Variants in SPECC1L observed in about 807,000 individuals in gnomAD.
SPECC1L encodes the protein sperm antigen with calponin homology and coiled-coil domains 1 like.
In SPECC1L, 40 loss-of-function variants were observed where a neutral mutation model predicts 116.8. The observed-to-expected ratio is 0.34, with a 90% CI of 0.27 to 0.45. The LOEUF is 0.45. Ranked by LOEUF, SPECC1L falls within the 20% of genes least tolerant of loss-of-function variation. SPECC1L has a pLI of 1.00. For missense variants in SPECC1L, 1,110 were observed against 1,373.6 expected (o/e 0.81, Z 3.03); for synonymous variants, 504 against 500.6 (o/e 1.01, Z -0.09).
At chr22:24,319,991 C>T (rs1443872429) in intron 4 of SPECC1L, among the ~76,000 whole-genome samples, 2 of 152,208 alleles carry the variant, frequency 1.3e-5, no homozygotes, top group Non-Finnish European at 2.9e-5. Flanking sequence ...GTGGCTCACG[C>T]CTGTAAATTC....
At chr22:24,390,872 CTTTTTTTTTTTTTTTT>C (rs1016008966) in intron 14 of SPECC1L, among the ~76,000 whole-genome samples, 3 of 57,112 alleles carry the variant, frequency 5.3e-5, no homozygotes, top group African/African-American at 2.3e-4. Flanking sequence ...TTTTTCTTTT[CTTTTTTTTTTTTTTTT>C]TTTTTTTTTT....
At chr22:24,360,655 G>A (rs2016600843) in intron 11 of SPECC1L, among the ~76,000 whole-genome samples, 1 of 152,126 alleles carries the variant, frequency 6.6e-6, no homozygotes, top group African/African-American at 2.4e-5. Context: ...GCTTATGCCT[G>A]TGTCCATAGC....
chr22:24,380,552 A>G lies in SPECC1L; in HGVS notation c.3087+11232A>G, dbSNP rs528990583. On this transcript the variant is annotated intron_variant, in intron 14 of 16. Coordinates refer to ENST00000314328, the MANE Select transcript of SPECC1L (RefSeq NM_015330.6). ...CGTTAACTCTCTTAAGAGTCACCCT[A>G]AAATTACTGTGCTGATCACTGTAAT... Among the ~76,000 whole-genome samples, 9 of 152,320 alleles carry G rather than the reference A, an allele frequency of 5.9e-5. No homozygotes were observed. The South Asian group carries it at 1.9e-3, about 32-fold the overall frequency.
chr22:24,362,251 C>G (rs1211335201), intron 11 of SPECC1L, among the ~76,000 whole-genome samples: 3 of 152,120 alleles, frequency 2.0e-5, no homozygotes, highest in Admixed American at 6.5e-5. Context: ...TTGGTGGGGG[C>G]TGGCAGGGAA....
In SPECC1L at chr22:24,271,156, C is replaced by T. The variant is rs1459806429; in HGVS notation, c.-142+173C>T. Among the ~76,000 whole-genome samples, 5 of 152,260 alleles carry T rather than the reference C, an allele frequency of 3.3e-5. No homozygotes were observed. In the East Asian group the frequency reaches 9.6e-4, roughly 29 times the overall value. On this transcript the variant is annotated intron_variant, in intron 1 of 16. Transcript: ENST00000314328. The stretch of plus-strand genomic sequence containing the variant: ...GTCCCGCGCCTGCGCCTTTCCCTTC[C>T]CGCGCCGTCCTCGTTCTGGGCTTCG...
intron 14 of SPECC1L, among the ~76,000 whole-genome samples, chr22:24,381,808 C>T (rs940838705): frequency 3.9e-5 from 6 of 152,082 alleles, no homozygotes; most frequent in Admixed American, 1.3e-4. Flanking sequence ...GGCGTGAAAC[C>T]GGGAGGCAGA....
At chr22:24,347,045 C>T (rs763183502) in intron 10 of SPECC1L, 41 bp from the exon 11 acceptor site, 1 of 1,481,376 alleles carries the variant, frequency 6.8e-7, no homozygotes, top group South Asian at 1.1e-5. Context: ...TGAGTCCAAA[C>T]AGTCATTTTA....
At chr22:24,390,852 C>CTTTTTTT (rs60006066) in intron 14 of SPECC1L, among the ~76,000 whole-genome samples, 25 of 48,454 alleles carry the variant, frequency 5.2e-4, no homozygotes, top group Non-Finnish European at 5.7e-4. Context: ...GCCTGTGTTC[C>CTTTTTTT]TTTTTTTTTT....
At chr22:24,274,212 T>A (rs1395650779) in intron 1 of SPECC1L, among the ~76,000 whole-genome samples, 1 of 152,230 alleles carries the variant, frequency 6.6e-6, no homozygotes, top group Non-Finnish European at 1.5e-5. Flanking sequence ...CCTCAGTCTT[T>A]TACTGTGAAA....
chr22:24,391,048 T>C (rs1369214041), intron 14 of SPECC1L, among the ~76,000 whole-genome samples: 1 of 151,870 alleles, frequency 6.6e-6, no homozygotes, highest in Non-Finnish European at 1.5e-5. Flanking sequence ...GCTAATTTTT[T>C]GTATTTTTAG....
intron 14 of SPECC1L, among the ~76,000 whole-genome samples, chr22:24,384,232 T>A (rs1246560124): frequency 6.6e-6 from 1 of 152,070 alleles, no homozygotes; most frequent in African/African-American, 2.4e-5. Context: ...GAAAAAAATA[T>A]TTAATTGCTA....
At chr22:24,346,058 G>A (rs1401218552) in intron 10 of SPECC1L, among the ~76,000 whole-genome samples, 1 of 151,478 alleles carries the variant, frequency 6.6e-6, no homozygotes, top group East Asian at 1.9e-4. Context: ...CCGGGCTGGA[G>A]TGCAGTGGCG....
At chr22:24,342,839 G>T (rs1225993496) in intron 10 of SPECC1L, among the ~76,000 whole-genome samples, 1 of 151,988 alleles carries the variant, frequency 6.6e-6, no homozygotes, top group Non-Finnish European at 1.5e-5. Context: ...ACCTGAAATT[G>T]GAGCCCAAGA....
At chr22:24,332,579 G>GT (rs1263821521) in intron 8 of SPECC1L, among the ~76,000 whole-genome samples, 1 of 152,154 alleles carries the variant, frequency 6.6e-6, no homozygotes, top group Non-Finnish European at 1.5e-5. Context: ...CCTTATCTAT[G>GT]TAAGACTTGC....
intron 14 of SPECC1L, among the ~76,000 whole-genome samples, chr22:24,379,573 TTTAC>T (rs1204510199): frequency 6.6e-6 from 1 of 152,204 alleles, no homozygotes; most frequent in Non-Finnish European, 1.5e-5. Flanking sequence ...GTTTTTTCCA[TTTAC>T]TTGGTACTTA....
At chr22:24,354,642 A>G (rs960761917) in intron 11 of SPECC1L, among the ~76,000 whole-genome samples, 1 of 148,164 alleles carries the variant, frequency 6.7e-6, no homozygotes, top group Non-Finnish European at 1.5e-5. Flanking sequence ...CCTGGAGTCA[A>G]CCATTTCTTT....
chr22:24,385,249 G>T (rs1392518306), intron 14 of SPECC1L, among the ~76,000 whole-genome samples: 1 of 151,664 alleles, frequency 6.6e-6, no homozygotes, highest in Non-Finnish European at 1.5e-5. Context: ...GAAAATAAGG[G>T]GCTAATAGAA....
chr22:24,399,181 G>A (rs1198142552), intron 14 of SPECC1L, among the ~76,000 whole-genome samples: 1 of 152,180 alleles, frequency 6.6e-6, no homozygotes, highest in East Asian at 1.9e-4. Flanking sequence ...CTCTGGAGGG[G>A]TTTATGGGGA....
At position 24,414,750 on chromosome 22, in the gene SPECC1L, C is replaced by T. The variant is rs1218830922; in HGVS notation, c.*127C>T. 2 of 796,474 alleles carry T rather than the reference C, an allele frequency of 2.5e-6. No homozygotes were observed. Among genetic ancestry groups the T allele is most frequent in the Non-Finnish European group, 2.1e-6 (1 of 474,658 alleles). 49.3% of individuals were successfully genotyped at this position (796,474 alleles called of 1,614,324 possible). Reference sequence around the variant, plus strand: ...TCTGGGCTGCCCCACAGCGTGTGAGCCTCCAGCTCGGGGCTTCCGTATTGG... The same window carrying T: ...TCTGGGCTGCCCCACAGCGTGTGAGTCTCCAGCTCGGGGCTTCCGTATTGG... On this transcript the variant is annotated 3_prime_UTR_variant, in exon 17 of 17. Coordinates refer to ENST00000314328, the MANE Select transcript of SPECC1L (RefSeq NM_015330.6).
Sources: allele counts gnomAD v4.1 joint callset (sites outside exome capture counted in the v4.1 genomes callset), GRCh38; gene constraint gnomAD v4.1.1; transcripts MANE v1.5; gene names NCBI Gene and HGNC (gene_info 2026-07-23, HGNC 2026-07-21).